Variants in ZNF430 observed in about 807,000 individuals in gnomAD.
ZNF430 encodes the protein zinc finger protein 430.
In ZNF430, 35 loss-of-function variants were observed where a neutral mutation model predicts 56.7. The ratio of observed to expected loss-of-function variants is 0.62; its 90% CI spans 0.47 to 0.82. ZNF430 has a LOEUF of 0.82. Ranked by LOEUF, ZNF430 falls within the 40% of genes least tolerant of loss-of-function variation. The probability of loss-of-function intolerance (pLI) is 0.00; values close to 1 mark genes in which losing one functional copy is unlikely to be tolerated. For synonymous variants in ZNF430, 212 were observed against 224.3 expected, an observed-to-expected ratio of 0.94 and a Z score of 0.49; for missense variants, 574 against 661.0, an observed-to-expected ratio of 0.87 and a Z score of 1.44.
chr19:21,029,344 C>T (rs1967859550), intron 2 of ZNF430, among the ~76,000 whole-genome samples: 1 of 151,460 alleles, frequency 6.6e-6, no homozygotes, highest in Non-Finnish European at 1.5e-5. Context: ...ATTTGTGTTT[C>T]CTTTACTTTG....
chr19:21,040,470 C>T (rs980777028), intron 4 of ZNF430, among the ~76,000 whole-genome samples: 10 of 152,336 alleles, frequency 6.6e-5, no homozygotes, highest in African/African-American at 2.4e-4. Flanking sequence ...CTTCACCTCA[C>T]ACTTGCTCTG....
At chr19:21,048,802 G>T (rs1003231681) in intron 4 of ZNF430, among the ~76,000 whole-genome samples, 2 of 151,180 alleles carry the variant, frequency 1.3e-5, no homozygotes, top group Non-Finnish European at 3.0e-5. Context: ...GCGGCTGGCC[G>T]GGCGGGTGCT....
At chr19:21,040,873 T>C (rs961834580) in intron 4 of ZNF430, among the ~76,000 whole-genome samples, 3 of 152,164 alleles carry the variant, frequency 2.0e-5, no homozygotes, top group Non-Finnish European at 4.4e-5. Context: ...ATGATAGTTA[T>C]AGATTCTTGA....
intron 4 of ZNF430, 108 bp downstream of exon 4, chr19:21,034,292 CT>C (rs1967955316): frequency 1.1e-6 from 1 of 885,218 alleles, no homozygotes; most frequent in African/African-American, 1.7e-5. Context: ...CAAATATTTT[CT>C]GGGAAGCCTG....
Position 21,039,458 on chromosome 19 carries a change from T to TTTATTTATTTAC in ZNF430, c.322+5285_322+5286insCTTATTTATTTA, listed in dbSNP as rs1968063389. Among the ~76,000 whole-genome samples, 3 of 147,426 alleles carry TTTATTTATTTAC rather than the reference T, an allele frequency of 2.0e-5. No individual in the cohort carries two copies. In the South Asian group the frequency reaches 6.4e-4, roughly 31 times the overall value. ...CAGTTTTACTTTTGCTATTTATTTA[T>TTTATTTATTTAC]TTATTTATTTATTTATTTATTTTAC... is the stretch of plus-strand genomic sequence containing the variant. On this transcript the variant is annotated intron_variant, in intron 4 of 4. Transcript: ENST00000261560.
chr19:21,023,183 T>G (rs1041849759), intron 2 of ZNF430, among the ~76,000 whole-genome samples: 5 of 152,188 alleles, frequency 3.3e-5, no homozygotes, highest in African/African-American at 1.2e-4. Flanking sequence ...GGACAGTCAC[T>G]GGGGCATAGT....
intron 4 of ZNF430, chr19:21,036,113 G>C (rs192591188): frequency 6.6e-6 from 1 of 151,796 alleles, no homozygotes; most frequent in African/African-American, 2.4e-5. Flanking sequence ...GTGTTTTTTT[G>C]TTTCACTTTT....
chr19:21,040,226 A>T (rs1439878038), intron 4 of ZNF430, among the ~76,000 whole-genome samples: 1 of 152,196 alleles, frequency 6.6e-6, no homozygotes, highest in Non-Finnish European at 1.5e-5. Context: ...TTTTAACTGG[A>T]AAGTTTTGTA....
chr19:21,045,894 C>T (rs1968179897), intron 4 of ZNF430, among the ~76,000 whole-genome samples: 1 of 152,084 alleles, frequency 6.6e-6, no homozygotes, highest in Admixed American at 6.6e-5. Flanking sequence ...GAATTTTCCT[C>T]CATTCCTTCA....
intron 4 of ZNF430, among the ~76,000 whole-genome samples, chr19:21,052,407 T>C (rs1968298162): frequency 6.6e-6 from 1 of 151,894 alleles, no homozygotes; most frequent in Non-Finnish European, 1.5e-5. Context: ...TACAGAAAGT[T>C]GGGTATTGAA....
intron 4 of ZNF430, among the ~76,000 whole-genome samples, chr19:21,042,334 G>C (rs1167431674): frequency 6.6e-6 from 1 of 152,090 alleles, no homozygotes; most frequent in African/African-American, 2.4e-5. Flanking sequence ...CCAGTAATGG[G>C]GTTGCTGGGT....
intron 2 of ZNF430, among the ~76,000 whole-genome samples, chr19:21,025,614 T>G (rs1967777770): frequency 6.6e-6 from 1 of 151,874 alleles, no homozygotes; most frequent in Non-Finnish European, 1.5e-5. Context: ...TGAGACGGAG[T>G]CTCACTCTGT....
At chr19:21,034,246 T>G in intron 4 of ZNF430, 62 bp downstream of exon 4, 1 of 1,148,902 alleles carries the variant, frequency 8.7e-7, no homozygotes, top group Non-Finnish European at 1.2e-6. Flanking sequence ...AGAAAGCCAA[T>G]GCTTAAAATG....
chr19:21,034,303 G>C, intron 4 of ZNF430, 119 bp downstream of exon 4: 1 of 828,934 alleles, frequency 1.2e-6, no homozygotes, highest in Non-Finnish European at 1.8e-6. Context: ...TGGGAAGCCT[G>C]AGTTTTTTTT....
intron 2 of ZNF430, among the ~76,000 whole-genome samples, chr19:21,030,130 A>G (rs1301062467): frequency 6.6e-6 from 1 of 151,980 alleles, no homozygotes; most frequent in African/African-American, 2.4e-5. Context: ...GAAACATTCC[A>G]TTTAGCACCT....
intron 4 of ZNF430, among the ~76,000 whole-genome samples, chr19:21,047,735 G>C (rs1655767526): frequency 6.6e-6 from 1 of 152,196 alleles, no homozygotes; most frequent in African/African-American, 2.4e-5. Context: ...TGTCCCAGAA[G>C]GGGAATGATC....
chr19:21,038,800 T>G (rs1297359684), intron 4 of ZNF430, among the ~76,000 whole-genome samples: 1 of 152,222 alleles, frequency 6.6e-6, no homozygotes, highest in Non-Finnish European at 1.5e-5. Context: ...TAGTTCATAA[T>G]GAAATTTAAA....
At chr19:21,024,227 G>A (rs1452894360) in intron 2 of ZNF430, among the ~76,000 whole-genome samples, 1 of 152,138 alleles carries the variant, frequency 6.6e-6, no homozygotes, top group East Asian at 1.9e-4. Flanking sequence ...ACAGAGTCCT[G>A]GAAAGGTGGG....
At chr19:21,054,669 C>CTTTGTTTTTTTTTTTTTTT (rs1968339587) in intron 4 of ZNF430, among the ~76,000 whole-genome samples, 1 of 65,582 alleles carries the variant, frequency 1.5e-5, no homozygotes, top group African/African-American at 6.4e-5. Flanking sequence ...ATTTTTACGT[C>CTTTGTTTTTTTTTTTTTTT]TTTTTTTTTT....
Sources: allele counts gnomAD v4.1 joint callset (sites outside exome capture counted in the v4.1 genomes callset), GRCh38; gene constraint gnomAD v4.1.1; transcripts MANE v1.5; gene names NCBI Gene and HGNC (gene_info 2026-07-23, HGNC 2026-07-21).